GSE1: variants seen among roughly 807,000 people sequenced by gnomAD.
GSE1 encodes the protein Gse1 coiled-coil protein, also known as genetic suppressor element 1.
In GSE1, 32 loss-of-function variants were observed where a neutral mutation model predicts 112.6. That is an observed-to-expected ratio of 0.28 (90% CI 0.21 to 0.38). GSE1 has a LOEUF of 0.38. Ranked by LOEUF, GSE1 falls within the 10% of genes least tolerant of loss-of-function variation. GSE1 has a pLI of 1.00. For synonymous variants in GSE1, 1,115 were observed against 735.6 expected (o/e 1.52, Z -8.35); for missense variants, 2,348 against 1,699.2 (o/e 1.38, Z -6.71).
intron 1 of GSE1, among the ~76,000 whole-genome samples, chr16:85,198,394 G>A (rs1050884141): frequency 3.9e-5 from 6 of 152,230 alleles, no homozygotes; most frequent in African/African-American, 1.4e-4. Context: ...TGTGGGCCAG[G>A]CTTGTCCTTG....
In GSE1 at chr16:85,244,637, C is replaced by A. The variant is rs1597173645; in HGVS notation, c.2283+72830C>A. On this transcript the variant is annotated intron_variant, in intron 1 of 2. Transcript: ENST00000637419. ...GGCTGAGGCAGGAGGATCGCTTGAGCCCAGGAGTTCGAGGCCAGCCTGGGC... is the reference window on the plus strand; with the variant it reads ...GGCTGAGGCAGGAGGATCGCTTGAGACCAGGAGTTCGAGGCCAGCCTGGGC... Among the ~76,000 whole-genome samples, 4 of 151,966 alleles carry A rather than the reference C, an allele frequency of 2.6e-5. No individual in the cohort carries two copies. In the South Asian group the frequency reaches 8.3e-4, roughly 32 times the overall value.
intron 1 of GSE1, chr16:85,595,467 G>T (rs1274147939): frequency 6.6e-6 from 1 of 152,186 alleles, no homozygotes; most frequent in Non-Finnish European, 1.5e-5. Context: ...AACCCCTCAG[G>T]GCAGATAGCT....
upstream of GSE1, chr16:85,613,301 G>C (rs1217334284): frequency 6.5e-7 from 1 of 1,541,420 alleles, no homozygotes; most frequent in East Asian, 2.6e-5. Flanking sequence ...CCGCCGCCGA[G>C]CAGCCCCGGG....
At chr16:85,478,851 CTTTCTTTCTT>C (rs1418596647) in intron 2 of GSE1, among the ~76,000 whole-genome samples, 20 of 10,740 alleles carry the variant, frequency 1.9e-3, no homozygotes, top group Admixed American at 4.9e-3. Context: ...TTCTTTCTTT[CTTTCTTTCTT>C]TCTTTCTTTC....
chr16:85,290,977 C>A (rs1415288004), intron 1 of GSE1, among the ~76,000 whole-genome samples: 1 of 152,230 alleles, frequency 6.6e-6, no homozygotes, highest in Non-Finnish European at 1.5e-5. Context: ...AGTGTCAGAG[C>A]CGTAGCAGAC....
upstream of GSE1, among the ~76,000 whole-genome samples, chr16:85,553,293 G>GGCC (rs532488359): frequency 0.012 from 1,724 of 149,808 alleles, 21 homozygotes; most frequent in African/African-American, 0.014. Context: ...CCGCTTGCCA[G>GGCC]GCCGCCGCCG....
chr16:85,572,459 CACACA>C (rs2046043662), intron 1 of GSE1, among the ~76,000 whole-genome samples: 2 of 108,814 alleles, frequency 1.8e-5, no homozygotes, highest in Non-Finnish European at 4.1e-5. Context: ...ACATACCACA[CACACA>C]ACACACATCA....
intron 1 of GSE1, among the ~76,000 whole-genome samples, chr16:85,182,460 G>T (rs916461975): frequency 6.6e-6 from 1 of 152,210 alleles, no homozygotes; most frequent in Non-Finnish European, 1.5e-5. Context: ...CTGCAGGGGG[G>T]ATCGCTGCTT....
chr16:85,639,467 G>C (rs1027089856), intron 2 of GSE1, among the ~76,000 whole-genome samples: 1 of 151,328 alleles, frequency 6.6e-6, no homozygotes, highest in African/African-American at 2.4e-5. Context: ...GCGCTGGACA[G>C]ATTCTGACTC....
At chr16:85,618,449 T>TCGAA (rs1283419841) in intron 1 of GSE1, among the ~76,000 whole-genome samples, 4 of 152,308 alleles carry the variant, frequency 2.6e-5, no homozygotes, top group Middle Eastern at 3.4e-3. Flanking sequence ...TGTTACTGTG[T>TCGAA]CGATCAGTGC....
intron 1 of GSE1, among the ~76,000 whole-genome samples, chr16:85,323,781 C>T (rs1238629127): frequency 1.3e-5 from 2 of 152,202 alleles, no homozygotes; most frequent in Admixed American, 6.5e-5. Flanking sequence ...CCCATTGCCA[C>T]CCTAATGTGC....
intron 2 of GSE1, among the ~76,000 whole-genome samples, chr16:85,524,978 C>T (rs1022205143): frequency 6.6e-6 from 1 of 152,184 alleles, no homozygotes; most frequent in Non-Finnish European, 1.5e-5. Flanking sequence ...ATGCCCGCTT[C>T]CCCTTTCCCC....
chr16:85,663,595 C>G lies in GSE1; in HGVS notation c.2625C>G (p.Ile875Met), dbSNP rs772452411. ...KFLTIFNLTH[I>M]SAEKRKDKER... Reference sequence around the variant, plus strand: ...TGACCATCTTCAACCTGACCCACATCAGCGCTGAGAAGAGGAAAGGTAGGG... The same window carrying G: ...TGACCATCTTCAACCTGACCCACATGAGCGCTGAGAAGAGGAAAGGTAGGG... The change falls in exon 11 of 16, where the codon ATC becomes ATG. Residue 875 changes from isoleucine to methionine, a missense_variant. Transcript: ENST00000253458. The G allele has an allele frequency of 1.9e-6, 3 of 1,613,790 alleles. No individual in the cohort carries two copies. Among genetic ancestry groups the G allele is most frequent in the Non-Finnish European group, 2.5e-6 (3 of 1,179,938 alleles).
At chr16:85,574,765 T>G (rs79122748) in intron 1 of GSE1, among the ~76,000 whole-genome samples, 1,891 of 152,346 alleles carry the variant, frequency 0.012, 34 homozygotes, top group African/African-American at 0.043. Context: ...TCTCCTCCTG[T>G]GCTTCAGGTC....
At chr16:85,460,033 C>G (rs1271242797) in intron 2 of GSE1, among the ~76,000 whole-genome samples, 1 of 152,158 alleles carries the variant, frequency 6.6e-6, no homozygotes, top group Non-Finnish European at 1.5e-5. Context: ...GCATGAGCCC[C>G]CAGGGCCCCG....
At chr16:85,364,551 G>C (rs1453902815) in intron 2 of GSE1, among the ~76,000 whole-genome samples, 5 of 152,210 alleles carry the variant, frequency 3.3e-5, no homozygotes, top group African/African-American at 1.2e-4. Context: ...CAGGGTTCAT[G>C]GTGGGTCTTC....
At chr16:85,240,306 T>TGCTGGTTCTGGGTCCCTTCCCC (rs1424182701) in intron 1 of GSE1, among the ~76,000 whole-genome samples, 55 of 152,196 alleles carry the variant, frequency 3.6e-4, no homozygotes, top group Non-Finnish European at 2.9e-5. Context: ...ACACCTTCCC[T>TGCTGGTTCTGGGTCCCTTCCCC]GCTGGTTCTG....
intron 1 of GSE1, among the ~76,000 whole-genome samples, chr16:85,560,617 G>A (rs546679110): frequency 4.6e-5 from 7 of 152,172 alleles, no homozygotes; most frequent in African/African-American, 1.7e-4. Flanking sequence ...TGAGTGGGAG[G>A]GCACAAGCTG....
At chr16:85,478,921 TTCTTTC>T (rs59068620) in intron 2 of GSE1, among the ~76,000 whole-genome samples, 1 of 55,446 alleles carries the variant, frequency 1.8e-5, no homozygotes, top group African/African-American at 1.0e-4. Context: ...CTTTCTTTCT[TTCTTTC>T]TCTTTCTTTC....
Sources: gnomAD v4.1 joint callset for allele counts (sites outside exome capture counted in the v4.1 genomes callset) on GRCh38, gnomAD v4.1.1 for gene constraint, MANE v1.5 for transcripts, NCBI Gene and HGNC (gene_info 2026-07-23, HGNC 2026-07-21) for gene names.